Variants in DHX35 observed in about 807,000 individuals in gnomAD.
DHX35 encodes the protein DEAH-box helicase 35, also known as probable ATP-dependent RNA helicase DHX35.
In DHX35, 84 loss-of-function variants were observed where a neutral mutation model predicts 99.6. That is an observed-to-expected ratio of 0.84 (90% CI 0.71 to 1.01). The LOEUF is 1.01. Among genes scored for constraint, DHX35 ranks in the 50% least tolerant of loss-of-function variants. The pLI, the probability that DHX35 is intolerant of heterozygous loss-of-function variation, is 0.00. For synonymous variants in DHX35, 331 were observed against 316.2 expected, an observed-to-expected ratio of 1.05 and a Z score of -0.50; for missense variants, 852 against 888.5, an observed-to-expected ratio of 0.96 and a Z score of 0.52.
intron 8 of DHX35, among the ~76,000 whole-genome samples, chr20:38,997,829 G>A (rs1244418532): frequency 2.0e-5 from 3 of 152,194 alleles, no homozygotes; most frequent in African/African-American, 7.2e-5. Context: ...ATGTGGGAGT[G>A]GCAGGGGGGT....
At chr20:38,985,448 A>G (rs945679365) in intron 4 of DHX35, among the ~76,000 whole-genome samples, 11 of 151,702 alleles carry the variant, frequency 7.3e-5, no homozygotes, top group Non-Finnish European at 1.6e-4. Flanking sequence ...ACCTGGACAA[A>G]CAATTAATTC....
rs1403722217 is a variant in DHX35 at position 38,992,345 on chromosome 20, T to C, written c.513-11T>C. 6.2e-7 allele frequency: 1 copy of C among 1,613,726 alleles called. No individual in the cohort carries two copies. The highest frequency in any genetic ancestry group is 8.5e-7 in the Non-Finnish European group (1 of 1,179,734). On this transcript the variant is annotated splice_polypyrimidine_tract_variant and intron_variant, in intron 6 of 21. Coordinates refer to ENST00000252011, the MANE Select transcript of DHX35 (RefSeq NM_021931.4). The stretch of plus-strand genomic sequence containing the variant: ...TTAGAGGCTCACTGAGAGCTTCTCT[T>C]TGATTCTTAGTGTCATCATGCTGGA...
chr20:39,036,726 CAAAAAAAAAAAAAAAAA>C (rs60032935), intron 21 of DHX35, among the ~76,000 whole-genome samples: 1 of 51,664 alleles, frequency 1.9e-5, no homozygotes, highest in South Asian at 7.7e-4. Context: ...ACTGTCCCCC[CAAAAAAAAAAAAAAAAA>C]AAAAAAAAAG....
At chr20:38,962,499 G>A (rs2085847100) in intron 1 of DHX35, 92 bp downstream of exon 1, 2 of 1,500,514 alleles carry the variant, frequency 1.3e-6, no homozygotes, top group African/African-American at 1.4e-5. Flanking sequence ...AGACCTGCTC[G>A]CAGGCCTGAC....
chr20:39,004,229 A>AT (rs1015826742), intron 11 of DHX35, among the ~76,000 whole-genome samples: 8 of 151,094 alleles, frequency 5.3e-5, no homozygotes, highest in East Asian at 3.9e-4. Flanking sequence ...CACCCGGCTA[A>AT]TTTTTTTTTG....
intron 21 of DHX35, among the ~76,000 whole-genome samples, chr20:39,036,035 A>G (rs2087145417): frequency 6.6e-6 from 1 of 152,210 alleles, no homozygotes; most frequent in Admixed American, 6.5e-5. Context: ...AAAACCTCTC[A>G]GGTGGAAAGC....
chr20:38,969,854 C>G (rs2085967342), intron 2 of DHX35, among the ~76,000 whole-genome samples: 1 of 152,236 alleles, frequency 6.6e-6, no homozygotes, highest in African/African-American at 2.4e-5. Context: ...GACATATACA[C>G]TTTGTCCCTG....
chr20:38,979,148 A>G (rs2086130612), intron 3 of DHX35, among the ~76,000 whole-genome samples: 1 of 151,610 alleles, frequency 6.6e-6, no homozygotes, highest in Non-Finnish European at 1.5e-5. Flanking sequence ...TTTTTTTCAC[A>G]TAATGTATTG....
intron 3 of DHX35, among the ~76,000 whole-genome samples, chr20:38,974,996 TA>T (rs2086054682): frequency 6.6e-6 from 1 of 152,208 alleles, no homozygotes; most frequent in Non-Finnish European, 1.5e-5. Flanking sequence ...GGTAAGATGA[TA>T]AAAATCCCTT....
At position 38,991,915 on chromosome 20, in the gene DHX35, C is replaced by A. The variant is rs540430491; in HGVS notation, c.512+400C>A. On this transcript the variant is annotated intron_variant, in intron 6 of 21. Coordinates refer to ENST00000252011, the MANE Select transcript of DHX35 (RefSeq NM_021931.4). ...CAGCATTAAAGCTGTCCTACCTAGG[C>A]TCTGGTGTTCTCGAGGAGAGTGTCA... 5.3e-5 allele frequency among the ~76,000 whole-genome samples: 8 copies of A among 152,290 alleles called. No individual in the cohort carries two copies. In the East Asian group the frequency reaches 1.2e-3, roughly 22 times the overall value.
At chr20:39,034,940 T>C (rs187001614) in intron 21 of DHX35, among the ~76,000 whole-genome samples, 32 of 152,178 alleles carry the variant, frequency 2.1e-4, no homozygotes, top group African/African-American at 7.5e-4. Flanking sequence ...AAAAAATTTT[T>C]TTAGGGATGG....
In DHX35 at chr20:38,962,499, G is replaced by C. The variant is rs2085847100; in HGVS notation, c.40+92G>C. On this transcript the variant is annotated intron_variant, in intron 1 of 21. Transcript: ENST00000252011. ...CGCCCTGGGGCCAGCAGACCTGCTC[G>C]CAGGCCTGACCTCGGCGAGCTGGGC... 1.5e-5 allele frequency: 23 copies of C among 1,500,514 alleles called. No individual in the cohort carries two copies. In the South Asian group the frequency reaches 2.4e-4, roughly 16 times the overall value. 92.9% of individuals were successfully genotyped at this position (1,500,514 alleles called of 1,614,324 possible).
intron 8 of DHX35, among the ~76,000 whole-genome samples, chr20:38,997,970 G>A (rs55735028): frequency 0.022 from 3,379 of 152,260 alleles, 128 homozygotes; most frequent in African/African-American, 0.078. Flanking sequence ...CTGCTGATAG[G>A]CCACCTGCCG....
At chr20:39,009,393 G>A (rs1344010356) in intron 12 of DHX35, among the ~76,000 whole-genome samples, 1 of 149,520 alleles carries the variant, frequency 6.7e-6, no homozygotes, top group Non-Finnish European at 1.5e-5. Context: ...GGGGATAGTG[G>A]TATTTCTTCA....
intron 3 of DHX35, chr20:38,978,346 A>T: frequency 1.3e-6 from 1 of 741,944 alleles, no homozygotes; most frequent in Non-Finnish European, 2.5e-6. Context: ...ATCATCTTTG[A>T]TGGCCTTTAG....
chr20:39,001,137 G>A (rs1568736947), intron 8 of DHX35, among the ~76,000 whole-genome samples: 1 of 152,206 alleles, frequency 6.6e-6, no homozygotes, highest in East Asian at 1.9e-4. Flanking sequence ...CTGCACGAGT[G>A]TTGGGGAAGT....
chr20:39,016,637 C>T (rs997367986), intron 14 of DHX35, among the ~76,000 whole-genome samples: 4 of 152,180 alleles, frequency 2.6e-5, no homozygotes, highest in African/African-American at 4.8e-5. Flanking sequence ...GACATTCCCA[C>T]CAGCAATGTA....
Position 38,989,198 on chromosome 20 carries a change from C to T in DHX35, c.450+281C>T, listed in dbSNP as rs185183962. Among the ~76,000 whole-genome samples, 514 of 149,428 alleles carry T rather than the reference C, an allele frequency of 3.4e-3. 1 individual carries two copies. The highest frequency in any genetic ancestry group is 6.1e-3 in the Non-Finnish European group (414 of 67,524). Reference sequence around the variant, plus strand: ...CTGCAAGCTCCGCCTCCTGGGTTCACGCCATTCTCCTTCCTCAGCCTCCCG... The same window carrying T: ...CTGCAAGCTCCGCCTCCTGGGTTCATGCCATTCTCCTTCCTCAGCCTCCCG... On this transcript the variant is annotated intron_variant, in intron 5 of 21. Transcript: ENST00000252011.
At position 38,988,922 on chromosome 20, in the gene DHX35, A is replaced by G. The variant is rs755967641; in HGVS notation, c.450+5A>G. 15 of 1,611,602 alleles carry G rather than the reference A, an allele frequency of 9.3e-6. No individual in the cohort carries two copies. The highest frequency in any genetic ancestry group is 1.7e-5 in the Admixed American group (1 of 59,896). On this transcript the variant is annotated splice_donor_5th_base_variant and intron_variant, in intron 5 of 21. Transcript: ENST00000252011. ...CAGCTGGCCACGAGAATTAAGGTAA[A>G]GTGCTCAAGCTGCTTTTCCTAGTGG...
Sources: allele counts gnomAD v4.1 joint callset (sites outside exome capture counted in the v4.1 genomes callset), GRCh38; gene constraint gnomAD v4.1.1; transcripts MANE v1.5; gene names NCBI Gene and HGNC (gene_info 2026-07-23, HGNC 2026-07-21).